Variants in EPHA3 observed in about 807,000 individuals in gnomAD.
EPHA3 encodes ephrin type-A receptor 3.
In EPHA3, 42 loss-of-function variants were observed where a neutral mutation model predicts 107.1. That is an observed-to-expected ratio of 0.39 (90% CI 0.31 to 0.51). The LOEUF is 0.51. EPHA3 is among the 20% of genes least tolerant of loss of function. EPHA3 has a pLI of 0.78. For synonymous variants in EPHA3, 461 were observed against 424.8 expected, an observed-to-expected ratio of 1.09 and a Z score of -1.05; for missense variants, 1,183 against 1,211.2, an observed-to-expected ratio of 0.98 and a Z score of 0.35.
At chr3:89,185,708 C>T (rs994825106) in intron 2 of EPHA3, among the ~76,000 whole-genome samples, 2 of 152,056 alleles carry the variant, frequency 1.3e-5, no homozygotes. Context: ...CCACACAGCT[C>T]TCCCTTTCTA....
rs534603665 is a variant in EPHA3 at position 89,230,405 on chromosome 3, A to G, written c.814+19885A>G. Among the ~76,000 whole-genome samples the G allele has an allele frequency of 6.6e-5, 10 of 152,252 alleles. 1 individual carries two copies. In the South Asian group the frequency reaches 2.1e-3, roughly 32 times the overall value. On this transcript the variant is annotated intron_variant, in intron 3 of 16. Transcript: ENST00000336596. Reference sequence around the variant, plus strand: ...TGCAAGAGTGCAAAGTTATGTTGGAAGTACATGGTTCAGGCCAAAGATTTT... The same window carrying G: ...TGCAAGAGTGCAAAGTTATGTTGGAGGTACATGGTTCAGGCCAAAGATTTT...
intron 2 of EPHA3, among the ~76,000 whole-genome samples, chr3:89,181,578 G>T (rs1705443544): frequency 6.6e-6 from 1 of 151,916 alleles, no homozygotes; most frequent in Non-Finnish European, 1.5e-5. Flanking sequence ...ACTTAATACT[G>T]CGGTGTTTTA....
At chr3:89,343,864 T>G (rs1469323820) in intron 5 of EPHA3, among the ~76,000 whole-genome samples, 1 of 152,200 alleles carries the variant, frequency 6.6e-6, no homozygotes, top group Non-Finnish European at 1.5e-5. Context: ...TTGCTTTGCT[T>G]CCGTTAATGG....
chr3:89,273,078 A>T (rs961061274), intron 3 of EPHA3, among the ~76,000 whole-genome samples: 1 of 151,972 alleles, frequency 6.6e-6, no homozygotes, highest in African/African-American at 2.4e-5. Context: ...TGATGGGAAG[A>T]TAAATTTTCA....
intron 3 of EPHA3, among the ~76,000 whole-genome samples, chr3:89,251,890 A>G (rs1321939440): frequency 9.2e-5 from 14 of 152,120 alleles, no homozygotes; most frequent in Non-Finnish European, 2.1e-4. Context: ...ATTTCAGGCC[A>G]TCTCTATTTT....
chr3:89,376,125 C>G (rs369084677), intron 5 of EPHA3, among the ~76,000 whole-genome samples: 1 of 151,774 alleles, frequency 6.6e-6, no homozygotes, highest in Non-Finnish European at 1.5e-5. Context: ...AAGAGATATT[C>G]CATACATTAT....
chr3:89,321,933 C>A (rs1707052675), intron 3 of EPHA3, among the ~76,000 whole-genome samples: 1 of 152,002 alleles, frequency 6.6e-6, no homozygotes, highest in African/African-American at 2.4e-5. Context: ...TACTTTAATT[C>A]TATAATACCT....
At chr3:89,385,888 T>C (rs1185214633) in intron 5 of EPHA3, among the ~76,000 whole-genome samples, 1 of 152,154 alleles carries the variant, frequency 6.6e-6, no homozygotes, top group Non-Finnish European at 1.5e-5. Context: ...TTGATAGTGA[T>C]ATAAACAATG....
chr3:89,147,078 C>T (rs965270846), intron 2 of EPHA3, among the ~76,000 whole-genome samples: 1 of 151,690 alleles, frequency 6.6e-6, no homozygotes, highest in African/African-American at 2.4e-5. Context: ...AGCAAACTAA[C>T]ACAGGAACAA....
intron 2 of EPHA3, among the ~76,000 whole-genome samples, chr3:89,197,456 A>AT (rs1705864479): frequency 1.3e-5 from 2 of 151,648 alleles, no homozygotes; most frequent in Admixed American, 1.3e-4. Flanking sequence ...ACATAAAAAA[A>AT]CTTATTTTTA....
At chr3:89,266,789 C>A (rs1705548387) in intron 3 of EPHA3, among the ~76,000 whole-genome samples, 1 of 151,864 alleles carries the variant, frequency 6.6e-6, no homozygotes, top group South Asian at 2.1e-4. Context: ...AAAAACAATT[C>A]AATAACAAAT....
intron 3 of EPHA3, among the ~76,000 whole-genome samples, chr3:89,269,109 A>G (rs1705602876): frequency 1.3e-5 from 2 of 152,152 alleles, no homozygotes; most frequent in Non-Finnish European, 2.9e-5. Flanking sequence ...ACTGACCAAT[A>G]AGATCTTTTA....
chr3:89,439,234 T>C (rs570767237), intron 13 of EPHA3, among the ~76,000 whole-genome samples: 2 of 152,342 alleles, frequency 1.3e-5, no homozygotes, highest in East Asian at 3.9e-4. Context: ...GAGGCCCACC[T>C]TGCAGGAAGA....
intron 13 of EPHA3, among the ~76,000 whole-genome samples, chr3:89,433,258 T>C (rs749891510): frequency 2.0e-5 from 3 of 152,108 alleles, no homozygotes; most frequent in Non-Finnish European, 4.4e-5. Flanking sequence ...AAGATGGTAG[T>C]CTTCTGCTGT....
At chr3:89,221,599 T>TACA (rs1704377693) in intron 3 of EPHA3, among the ~76,000 whole-genome samples, 1 of 152,204 alleles carries the variant, frequency 6.6e-6, no homozygotes, top group Non-Finnish European at 1.5e-5. Flanking sequence ...CATACATACA[T>TACA]TTAAATTACT....
intron 3 of EPHA3, among the ~76,000 whole-genome samples, chr3:89,256,592 T>C (rs1218524338): frequency 6.6e-6 from 1 of 151,066 alleles, no homozygotes; most frequent in African/African-American, 2.4e-5. Context: ...AATAAATAAA[T>C]AAATAAATAA....
intron 3 of EPHA3, among the ~76,000 whole-genome samples, chr3:89,293,283 C>CT (rs1265357669): frequency 6.6e-6 from 1 of 152,118 alleles, no homozygotes; most frequent in Admixed American, 6.6e-5. Flanking sequence ...TTTATAAATA[C>CT]TTTTTTCCCA....
intron 1 of EPHA3, 100 bp downstream of exon 1, chr3:89,107,936 G>A (rs1474553948): frequency 2.4e-5 from 27 of 1,117,328 alleles, no homozygotes; most frequent in Non-Finnish European, 3.2e-5. Context: ...AGGTGCCTCC[G>A]AATAGAGCAG....
intron 5 of EPHA3, among the ~76,000 whole-genome samples, chr3:89,394,622 G>A (rs895503089): frequency 6.6e-6 from 1 of 152,126 alleles, no homozygotes; most frequent in Non-Finnish European, 1.5e-5. Context: ...TTTATAGATA[G>A]GAAAGTTTGA....
Sources: allele counts gnomAD v4.1 joint callset (sites outside exome capture counted in the v4.1 genomes callset), GRCh38; gene constraint gnomAD v4.1.1; transcripts MANE v1.5; gene names NCBI Gene and HGNC (gene_info 2026-07-23, HGNC 2026-07-21).